Variants in FOXP2 observed in about 807,000 individuals in gnomAD.
FOXP2 encodes the protein forkhead box P2, also known as forkhead box protein P2.
In FOXP2, 12 loss-of-function variants were observed where a neutral mutation model predicts 115.8. The ratio of observed to expected loss-of-function variants is 0.10; its 90% CI spans 0.07 to 0.17. The LOEUF (loss-of-function observed/expected upper bound fraction) is 0.17. FOXP2 is among the 10% of genes least tolerant of loss of function. The pLI is 1.00. For missense variants in FOXP2, 629 were observed against 843.5 expected (o/e 0.75, Z 3.15); for synonymous variants, 328 against 297.7 (o/e 1.10, Z -1.05).
Position 114,115,892 on chromosome 7 carries a change from A to C in FOXP2, c.-247+28054A>C, listed in dbSNP as rs546847414. On this transcript the variant is annotated intron_variant, in intron 1 of 19. Coordinates refer to the FOXP2 transcript ENST00000635638. ...GTAGGAATTAAGCATTTATTGAATA[A>C]ATGAGTGAATAAATGAATGAATTTA... Among the ~76,000 whole-genome samples, 60 of 152,264 alleles carry C rather than the reference A, an allele frequency of 3.9e-4. 1 individual carries two copies. In the Middle Eastern group the frequency reaches 0.01, roughly 26 times the overall value.
chr7:114,257,494 C>A (rs1795649331), intron 1 of FOXP2, among the ~76,000 whole-genome samples: 2 of 145,692 alleles, frequency 1.4e-5, no homozygotes, highest in African/African-American at 2.6e-5. Flanking sequence ...TGCTCTGTTG[C>A]CCAGGCTGGA....
intron 1 of FOXP2, among the ~76,000 whole-genome samples, chr7:114,270,665 T>C (rs1423407085): frequency 6.6e-6 from 1 of 152,204 alleles, no homozygotes; most frequent in African/African-American, 2.4e-5. Context: ...TGAGTTTTTT[T>C]CTTATTGTTG....
At position 114,415,317 on chromosome 7, in the gene FOXP2, A is replaced by G. The variant is rs2129199758; in HGVS notation, c.-54A>G. On this transcript the variant is annotated 5_prime_UTR_variant, in exon 1 of 17. The change abolishes an upstream ATG in the 5' untranslated region. Transcript: ENST00000350908. ...TTTTTCATCTCTTTAACAAACTCCT[A>G]TGAAGTTGAAACCGGGAAGTTTGCT... 3 of 452,938 alleles carry G rather than the reference A, an allele frequency of 6.6e-6. No homozygotes were observed. The highest frequency in any genetic ancestry group is 7.0e-5 in the East Asian group (1 of 14,342). 28.1% of individuals were successfully genotyped at this position (452,938 alleles called of 1,614,324 possible).
chr7:114,567,770 T>C (rs1404504404), intron 3 of FOXP2, among the ~76,000 whole-genome samples: 1 of 152,060 alleles, frequency 6.6e-6, no homozygotes, highest in Non-Finnish European at 1.5e-5. Context: ...TGTTAAAGCA[T>C]GGTTGATCAG....
intron 2 of FOXP2, among the ~76,000 whole-genome samples, chr7:114,530,033 T>C (rs916278460): frequency 6.6e-6 from 1 of 151,918 alleles, no homozygotes; most frequent in Non-Finnish European, 1.5e-5. Context: ...ACTATATGAA[T>C]ATGAGGAACA....
intron 2 of FOXP2, among the ~76,000 whole-genome samples, chr7:114,479,717 G>A (rs990729501): frequency 4.0e-5 from 6 of 151,496 alleles, no homozygotes; most frequent in African/African-American, 1.4e-4. Flanking sequence ...ACACAAATCT[G>A]TACACATGTT....
chr7:114,151,060 AATACC>A (rs1005159214), intron 1 of FOXP2, among the ~76,000 whole-genome samples: 43 of 152,122 alleles, frequency 2.8e-4, no homozygotes, highest in African/African-American at 1.0e-3. Context: ...ATGGCCACCG[AATACC>A]ATTTTTTTTC....
At chr7:114,134,240 A>T (rs1791963719) in intron 1 of FOXP2, among the ~76,000 whole-genome samples, 1 of 152,156 alleles carries the variant, frequency 6.6e-6, no homozygotes, top group African/African-American at 2.4e-5. Context: ...TGAATTGGTG[A>T]ATATCTCAGA....
At chr7:114,504,588 G>A (rs967119660) in intron 2 of FOXP2, among the ~76,000 whole-genome samples, 16 of 151,104 alleles carry the variant, frequency 1.1e-4, no homozygotes, top group African/African-American at 3.6e-4. Context: ...TTATATTTAC[G>A]GTTTACCTAT....
At chr7:114,551,764 G>C (rs767830304) in intron 3 of FOXP2, among the ~76,000 whole-genome samples, 2 of 152,142 alleles carry the variant, frequency 1.3e-5, no homozygotes, top group Admixed American at 6.5e-5. Flanking sequence ...ATCATGCTAA[G>C]AGTGGCAGGT....
intron 1 of FOXP2, among the ~76,000 whole-genome samples, chr7:114,127,350 C>T (rs1258305680): frequency 6.6e-6 from 1 of 152,064 alleles, no homozygotes; most frequent in Admixed American, 6.6e-5. Flanking sequence ...TTGCCATGGT[C>T]AAGGGGAAAA....
rs148350849 is a variant in FOXP2 at position 114,570,548 on chromosome 7, T to C, written c.258+35842T>C. 8.4e-3 allele frequency among the ~76,000 whole-genome samples: 1,283 copies of C among 152,016 alleles called. 11 individuals carry two copies. Among genetic ancestry groups the C allele is most frequent in the African/African-American group, 0.03 (1,229 of 41,522 alleles). ...AAGTAAGGTTCCTACAGCAGTATCA[T>C]GGTACATAATCAGTGGATTTTTTGG... On this transcript the variant is annotated intron_variant, in intron 3 of 16. Transcript: ENST00000350908.
At chr7:114,269,982 C>A (rs533969597) in intron 1 of FOXP2, among the ~76,000 whole-genome samples, 8 of 152,164 alleles carry the variant, frequency 5.3e-5, no homozygotes, top group Non-Finnish European at 1.2e-4. Context: ...TAACCACATT[C>A]ATCCAGAAAT....
chr7:114,335,642 G>T (rs997824207), intron 2 of FOXP2, among the ~76,000 whole-genome samples: 3 of 151,794 alleles, frequency 2.0e-5, no homozygotes, highest in Admixed American at 6.6e-5. Context: ...AAAGTACATG[G>T]ATCAGTGGTT....
At chr7:114,378,031 T>A (rs972556222) in intron 2 of FOXP2, among the ~76,000 whole-genome samples, 1 of 152,144 alleles carries the variant, frequency 6.6e-6, no homozygotes, top group African/African-American at 2.4e-5. Context: ...AAAGCCTCCT[T>A]CCTCAAGGAA....
intron 2 of FOXP2, among the ~76,000 whole-genome samples, chr7:114,337,980 T>G (rs1797901023): frequency 6.6e-6 from 1 of 151,222 alleles, no homozygotes; most frequent in Admixed American, 6.6e-5. Context: ...CTGAAAATCT[T>G]TATAGACTAT....
At chr7:114,174,663 G>C (rs1317157641) in intron 1 of FOXP2, among the ~76,000 whole-genome samples, 1 of 152,024 alleles carries the variant, frequency 6.6e-6, no homozygotes, top group African/African-American at 2.4e-5. Flanking sequence ...TGTCCAAAAA[G>C]AGAAGTGTCA....
At chr7:114,185,201 T>G (rs1481439123) in intron 1 of FOXP2, among the ~76,000 whole-genome samples, 1 of 142,984 alleles carries the variant, frequency 7.0e-6, no homozygotes, top group Non-Finnish European at 1.6e-5. Flanking sequence ...TAATGTTGTA[T>G]TTATGTTTAT....
chr7:114,652,032 A>AT (rs1414473591), intron 8 of FOXP2, among the ~76,000 whole-genome samples, 171 bp from the exon 9 acceptor site: 2 of 152,124 alleles, frequency 1.3e-5, no homozygotes, highest in Non-Finnish European at 2.9e-5. Context: ...TACATAAATA[A>AT]TTTTCACACA....
Sources: allele counts gnomAD v4.1 joint callset (sites outside exome capture counted in the v4.1 genomes callset), GRCh38; gene constraint gnomAD v4.1.1; transcripts MANE v1.5; gene names NCBI Gene and HGNC (gene_info 2026-07-23, HGNC 2026-07-21).